Variants in SHROOM3 observed in about 807,000 individuals in gnomAD.
SHROOM3 encodes protein Shroom3.
A neutral mutation model predicts 138.6 loss-of-function variants in SHROOM3; 47 were observed. The ratio of observed to expected loss-of-function variants is 0.34; its 90% CI spans 0.27 to 0.43. The LOEUF (loss-of-function observed/expected upper bound fraction) is 0.43. SHROOM3 is among the 20% of genes least tolerant of loss of function. SHROOM3 has a pLI of 1.00. For missense variants in SHROOM3, 2,491 were observed against 2,596.5 expected (o/e 0.96, Z 0.88); for synonymous variants, 1,062 against 1,063.3 (o/e 1.00, Z 0.02).
chr4:76,658,522 C>G (rs1736114665), intron 2 of SHROOM3, among the ~76,000 whole-genome samples: 1 of 152,122 alleles, frequency 6.6e-6, no homozygotes, highest in East Asian at 1.9e-4. Context: ...GGAGGATAAA[C>G]TAGACAAACT....
chr4:76,536,932 G>T (rs564128133), intron 1 of SHROOM3, among the ~76,000 whole-genome samples: 129 of 152,210 alleles, frequency 8.5e-4, no homozygotes, highest in African/African-American at 3.0e-3. Context: ...GGCAAACATG[G>T]TGAAACCCCA....
chr4:76,586,690 T>C (rs1376322908), intron 2 of SHROOM3, among the ~76,000 whole-genome samples: 1 of 152,150 alleles, frequency 6.6e-6, no homozygotes, highest in Non-Finnish European at 1.5e-5. Context: ...GCTTGACAAA[T>C]GACTCTAGTC....
chr4:76,649,610 A>T (rs1735909723), intron 2 of SHROOM3, among the ~76,000 whole-genome samples: 1 of 152,226 alleles, frequency 6.6e-6, no homozygotes, highest in Admixed American at 6.5e-5. Context: ...GAGAAATAAT[A>T]AAGACAAATA....
chr4:76,596,575 C>G (rs1186926341), intron 2 of SHROOM3, among the ~76,000 whole-genome samples: 5 of 127,486 alleles, frequency 3.9e-5, no homozygotes, highest in African/African-American at 1.6e-4. Context: ...TAGATAGGTA[C>G]AGAGAAACAC....
chr4:76,604,370 CA>C (rs1734573418), intron 2 of SHROOM3, among the ~76,000 whole-genome samples: 1 of 152,166 alleles, frequency 6.6e-6, no homozygotes, highest in Admixed American at 6.5e-5. Flanking sequence ...ATGATAGGAT[CA>C]AAATGCTGTA....
At chr4:76,473,634 C>T (rs745404637) in intron 1 of SHROOM3, among the ~76,000 whole-genome samples, 1 of 151,868 alleles carries the variant, frequency 6.6e-6, no homozygotes, top group East Asian at 1.9e-4. Flanking sequence ...AGAAGACAAC[C>T]CCATTTTAAA....
At position 76,754,998 on chromosome 4, in the gene SHROOM3, AGAC is replaced by A. The variant is rs1721757489; in HGVS notation, c.4518_4520del (p.Asp1506del). 5.6e-6 allele frequency: 9 copies of A among 1,612,472 alleles called. No homozygotes were observed. In the East Asian group the frequency reaches 2.0e-4, roughly 36 times the overall value. On this transcript the variant is annotated inframe_deletion, in exon 7 of 11. Transcript: ENST00000296043. ...CCCCGCCACCTCATGAGGATTATGAAGACGAAGTGTTTGTGAGGGATCCGCACC... is the reference window on the plus strand; with the variant it reads ...CCCCGCCACCTCATGAGGATTATGAAGAAGTGTTTGTGAGGGATCCGCACC...
intron 1 of SHROOM3, among the ~76,000 whole-genome samples, chr4:76,551,920 G>A (rs1359945168): frequency 1.1e-4 from 16 of 151,212 alleles, no homozygotes; most frequent in African/African-American, 3.9e-4. Flanking sequence ...GGAGTGCAGT[G>A]GTGCGATCTC....
intron 3 of SHROOM3, among the ~76,000 whole-genome samples, chr4:76,712,540 A>G (rs1167717405): frequency 1.3e-5 from 2 of 152,252 alleles, no homozygotes; most frequent in African/African-American, 4.8e-5. Flanking sequence ...AATCATATTT[A>G]TAACAAGCTG....
chr4:76,762,309 A>AT (rs1162731268), intron 9 of SHROOM3, among the ~76,000 whole-genome samples: 1 of 152,244 alleles, frequency 6.6e-6, no homozygotes, highest in Non-Finnish European at 1.5e-5. Context: ...TCATGTAAGT[A>AT]TGCAAATGTT....
intron 10 of SHROOM3, among the ~76,000 whole-genome samples, chr4:76,777,707 G>C (rs1479596118): frequency 1.3e-5 from 2 of 152,094 alleles, no homozygotes; most frequent in African/African-American, 4.8e-5. Context: ...ACTTTTCCTT[G>C]TTCAGTATAA....
intron 1 of SHROOM3, among the ~76,000 whole-genome samples, chr4:76,545,358 A>T (rs1200453815): frequency 1.3e-5 from 2 of 152,090 alleles, no homozygotes; most frequent in Non-Finnish European, 2.9e-5. Context: ...CCTCCCAGGG[A>T]GCTGTAAATC....
In SHROOM3 at chr4:76,607,472, A is replaced by G. The variant is rs372692334; in HGVS notation, c.323+51709A>G. 9.8e-5 allele frequency among the ~76,000 whole-genome samples: 15 copies of G among 152,322 alleles called. No homozygotes were observed. The South Asian group carries it at 2.9e-3, about 29-fold the overall frequency. ...AAGGAAAGTCTTGAATTCCTTTTGC[A>G]TCTTAATTCTGTTTTTGTTATGGTG... On this transcript the variant is annotated intron_variant, in intron 2 of 10. Coordinates refer to ENST00000296043, the MANE Select transcript of SHROOM3 (RefSeq NM_020859.4).
Position 76,603,193 on chromosome 4 carries a change from C to T in SHROOM3, c.323+47430C>T, listed in dbSNP as rs150688711. Among the ~76,000 whole-genome samples, 456 of 152,194 alleles carry T rather than the reference C, an allele frequency of 3.0e-3. 1 individual carries two copies. Among genetic ancestry groups the T allele is most frequent in the African/African-American group, 9.6e-3 (398 of 41,538 alleles). ...CAGCACTTTGGAAGGCCGAGGAGAA[C>T]GGATCATGAAGTCAGGAGATCGAAA... On this transcript the variant is annotated intron_variant, in intron 2 of 10. Transcript: ENST00000296043.
chr4:76,565,160 CAAAAAA>C (rs1166896258), intron 2 of SHROOM3, among the ~76,000 whole-genome samples: 13 of 135,940 alleles, frequency 9.6e-5, no homozygotes, highest in African/African-American at 3.1e-4. Flanking sequence ...GACTCCATTT[CAAAAAA>C]AAAAAAAAAA....
At chr4:76,709,710 T>C (rs1188214803) in intron 2 of SHROOM3, 1 of 255,696 alleles carries the variant, frequency 3.9e-6, no homozygotes, top group East Asian at 1.1e-4. Flanking sequence ...CTGTTACACT[T>C]GGAGATCCCG....
intron 1 of SHROOM3, among the ~76,000 whole-genome samples, chr4:76,500,254 C>T (rs532660134): frequency 2.6e-5 from 4 of 152,094 alleles, no homozygotes; most frequent in East Asian, 3.9e-4. Flanking sequence ...CCTGGTTTCC[C>T]GTCATAATAA....
intron 2 of SHROOM3, among the ~76,000 whole-genome samples, chr4:76,623,498 C>T (rs1735052781): frequency 1.3e-5 from 2 of 152,200 alleles, no homozygotes; most frequent in Admixed American, 1.3e-4. Context: ...GACTACCACT[C>T]GGAATCCTCC....
intron 2 of SHROOM3, chr4:76,586,481 T>A: frequency 1.0e-6 from 1 of 984,454 alleles, no homozygotes. Flanking sequence ...TAAGTCCATT[T>A]TAAACCAACG....
Sources: gnomAD v4.1 joint callset for allele counts (sites outside exome capture counted in the v4.1 genomes callset) on GRCh38, gnomAD v4.1.1 for gene constraint, MANE v1.5 for transcripts, NCBI Gene and HGNC (gene_info 2026-07-23, HGNC 2026-07-21) for gene names.